The following NAA11 variants were observed in gnomAD, a reference collection of about 807,000 sequenced individuals.
NAA11 encodes N-alpha-acetyltransferase 11.
A neutral mutation model predicts 16.1 loss-of-function variants in NAA11; 15 were observed. The ratio of observed to expected loss-of-function variants is 0.93; its 90% CI spans 0.62 to 1.44. The LOEUF is 1.44. NAA11 is among the 40% of genes most tolerant of loss of function. The pLI is 0.00. For missense variants in NAA11, 298 were observed against 291.3 expected, an observed-to-expected ratio of 1.02 and a Z score of -0.17; for synonymous variants, 122 against 112.4, an observed-to-expected ratio of 1.09 and a Z score of -0.54.
the NAA11 span, among the ~76,000 whole-genome samples, chr4:79,194,546 G>A: frequency 0.99 from 150,958 of 152,122 alleles, 74,912 homozygotes; most frequent in Middle Eastern, 1. Flanking sequence ...TAGGAAGTGG[G>A]GAGGCAAAAG....
At chr4:79,226,863 A>G (rs561986423) in intron 2 of NAA11, among the ~76,000 whole-genome samples, 3 of 152,132 alleles carry the variant, frequency 2.0e-5, no homozygotes, top group African/African-American at 7.2e-5. Context: ...AGTCTTTGCT[A>G]TTGTGAGTAT....
At chr4:79,206,634 T>G in the NAA11 span, among the ~76,000 whole-genome samples, 2 of 152,116 alleles carry the variant, frequency 1.3e-5, no homozygotes, top group African/African-American at 4.8e-5. Flanking sequence ...AGTTACTTCC[T>G]CCTTCCTTTG....
At chr4:79,303,264 C>G (rs529613563) in intron 1 of NAA11, among the ~76,000 whole-genome samples, 8 of 151,648 alleles carry the variant, frequency 5.3e-5, no homozygotes, top group Non-Finnish European at 1.2e-4. Flanking sequence ...ACTCACTTTT[C>G]TTTATTTTCA....
Position 79,325,761 on chromosome 4 carries a change from G to A in NAA11, c.117C>T (p.Pro39=), listed in dbSNP as rs746088362. 1.4e-5 allele frequency: 22 copies of A among 1,614,184 alleles called. No individual in the cohort carries two copies. Among genetic ancestry groups the A allele is most frequent in the Non-Finnish European group, 1.7e-5 (20 of 1,180,040 alleles). ...CATCCTCAGCGATGTAAGAAAGCTG[G>A]GGCCAGGAAAGGCCATGATATAAAT... ...KYYLYHGLSW[P]QLSYIAEDED... is the part of the protein sequence containing the mutation. The change falls in exon 1 of 2, where the codon CCC becomes CCT. Residue 39 remains proline (P), a synonymous_variant. Coordinates refer to ENST00000286794, the MANE Select transcript of NAA11 (RefSeq NM_032693.3).
intron 1 of NAA11, among the ~76,000 whole-genome samples, chr4:79,321,058 AT>A (rs1724074690): frequency 6.6e-6 from 1 of 152,214 alleles, no homozygotes; most frequent in Admixed American, 6.5e-5. Context: ...TAGTGGCATA[AT>A]GGCAGCAAGA....
At chr4:79,157,032 A>C in the NAA11 span, among the ~76,000 whole-genome samples, 4 of 152,152 alleles carry the variant, frequency 2.6e-5, no homozygotes, top group African/African-American at 9.7e-5. Context: ...GTAGATTCCT[A>C]TTTTTTTAAA....
At chr4:79,193,826 AT>A in the NAA11 span, among the ~76,000 whole-genome samples, 5 of 152,226 alleles carry the variant, frequency 3.3e-5, no homozygotes, top group African/African-American at 1.2e-4. Flanking sequence ...CAGTATGGCC[AT>A]TTTCACGATA....
the NAA11 span, among the ~76,000 whole-genome samples, chr4:79,196,469 C>G: frequency 1.3e-5 from 2 of 151,964 alleles, no homozygotes; most frequent in Admixed American, 6.6e-5. Context: ...TTGGAAAGGG[C>G]CCTAGAGATC....
chr4:79,202,566 G>GTT, the NAA11 span, among the ~76,000 whole-genome samples: 4 of 112,276 alleles, frequency 3.6e-5, no homozygotes, highest in South Asian at 3.1e-4. Flanking sequence ...CCCATATGTA[G>GTT]TTATATATAT....
At chr4:79,214,961 A>G in the NAA11 span, among the ~76,000 whole-genome samples, 1 of 152,200 alleles carries the variant, frequency 6.6e-6, no homozygotes, top group Non-Finnish European at 1.5e-5. Flanking sequence ...AGTGAGCCAA[A>G]TAAATGTCTG....
Position 79,325,699 on chromosome 4 carries a change from AT to A in NAA11, c.178del (p.Met60TrpfsTer18). ...CGGGACATCATCTGGTTCCTCCTCC[AT>A]TTTGGCCAGAACATAGCCCACAATC... ...GKIVGYVLAK[M>X]EEEPDDVPHG... On this transcript the variant is annotated frameshift_variant, in exon 1 of 2. Transcript: ENST00000286794. LOFTEE classifies it high-confidence loss of function. 1 of 1,614,110 alleles carries A rather than the reference AT, an allele frequency of 6.2e-7. No homozygotes were observed. Among genetic ancestry groups the A allele is most frequent in the Non-Finnish European group, 8.5e-7 (1 of 1,180,014 alleles).
chr4:79,312,422 G>A (rs1318466527), downstream of NAA11, among the ~76,000 whole-genome samples: 2 of 151,998 alleles, frequency 1.3e-5, no homozygotes, highest in African/African-American at 2.4e-5. Context: ...AGGCCAAAGC[G>A]GGTAGATCAC....
At chr4:79,168,388 T>C in the NAA11 span, among the ~76,000 whole-genome samples, 3 of 152,192 alleles carry the variant, frequency 2.0e-5, no homozygotes, top group Non-Finnish European at 4.4e-5. Context: ...ATATACCTAG[T>C]AATGGGATTG....
the NAA11 span, among the ~76,000 whole-genome samples, chr4:79,218,593 T>G: frequency 1.3e-5 from 2 of 151,972 alleles, no homozygotes; most frequent in Non-Finnish European, 2.9e-5. Flanking sequence ...CTATCAGGAG[T>G]ATAAAAGTGA....
intron 1 of NAA11, among the ~76,000 whole-genome samples, chr4:79,299,844 A>T (rs1287370538): frequency 6.6e-6 from 1 of 152,212 alleles, no homozygotes. Flanking sequence ...TCCTCAAGAG[A>T]TGGTAACTCT....
At chr4:79,242,418 G>A (rs868497857) in intron 2 of NAA11, among the ~76,000 whole-genome samples, 1 of 152,334 alleles carries the variant, frequency 6.6e-6, no homozygotes, top group South Asian at 2.1e-4. Flanking sequence ...TGATTACCCA[G>A]CAATTGTGAA....
chr4:79,209,756 T>C, the NAA11 span, among the ~76,000 whole-genome samples: 12 of 152,080 alleles, frequency 7.9e-5, no homozygotes, highest in African/African-American at 2.9e-4. Context: ...TTAGATTACA[T>C]TGGTCAGGGC....
chr4:79,224,041 A>G (rs1368835939), downstream of NAA11, among the ~76,000 whole-genome samples: 5 of 152,118 alleles, frequency 3.3e-5, no homozygotes, highest in Non-Finnish European at 7.4e-5. Flanking sequence ...AACTCTTCAT[A>G]GGGTACCAAT....
At chr4:79,174,872 ACTAT>A in the NAA11 span, among the ~76,000 whole-genome samples, 5 of 152,256 alleles carry the variant, frequency 3.3e-5, no homozygotes, top group East Asian at 1.9e-4. Context: ...TACAAAAGGA[ACTAT>A]CTGTCTTCTC....
Sources: allele counts gnomAD v4.1 joint callset (sites outside exome capture counted in the v4.1 genomes callset), GRCh38; gene constraint gnomAD v4.1.1; transcripts MANE v1.5; gene names NCBI Gene and HGNC (gene_info 2026-07-23, HGNC 2026-07-21).